RIMS2: variants seen among roughly 807,000 people sequenced by gnomAD.
RIMS2 encodes regulating synaptic membrane exocytosis 2.
A neutral mutation model predicts 174.4 loss-of-function variants in RIMS2; 59 were observed. The ratio of observed to expected loss-of-function variants is 0.34; its 90% CI spans 0.27 to 0.42. RIMS2 has a LOEUF of 0.42. RIMS2 is among the 10% of genes least tolerant of loss of function. RIMS2 has a pLI of 1.00. For synonymous variants in RIMS2, 606 were observed against 572.5 expected (o/e 1.06, Z -0.84); for missense variants, 1,620 against 1,666.3 (o/e 0.97, Z 0.48).
intron 19 of RIMS2, among the ~76,000 whole-genome samples, chr8:104,231,336 CT>C (rs1439575238): frequency 6.6e-6 from 1 of 151,428 alleles, no homozygotes; most frequent in Non-Finnish European, 1.5e-5. Flanking sequence ...CATTCAAGTT[CT>C]TTAACAATAT....
chr8:104,039,936 G>T lies in RIMS2; in HGVS notation c.3334+25321G>T, dbSNP rs192876398. Reference sequence around the variant, plus strand: ...GAGATTTAATGTCTTATTTTCAACAGGTGAAAAAATGTGTTCATATAATAA... The same window carrying T: ...GAGATTTAATGTCTTATTTTCAACATGTGAAAAAATGTGTTCATATAATAA... On this transcript the variant is annotated intron_variant, in intron 19 of 23. Transcript: ENST00000504942. Among the ~76,000 whole-genome samples the T allele has an allele frequency of 4.6e-5, 7 of 151,378 alleles. No individual in the cohort carries two copies. The East Asian group carries it at 1.4e-3, about 29-fold the overall frequency.
chr8:103,554,310 C>A (rs575792459), intron 1 of RIMS2, among the ~76,000 whole-genome samples: 13 of 152,290 alleles, frequency 8.5e-5, no homozygotes, highest in African/African-American at 3.1e-4. Context: ...GGTCTACTAT[C>A]CAGCATCTGT....
chr8:103,713,443 A>G (rs1036867071), intron 2 of RIMS2, among the ~76,000 whole-genome samples: 1 of 152,196 alleles, frequency 6.6e-6, no homozygotes, highest in East Asian at 1.9e-4. Flanking sequence ...TACACCTCCT[A>G]TAATTTTCAA....
At chr8:103,769,155 A>G (rs937432169) in intron 3 of RIMS2, 1 of 162,180 alleles carries the variant, frequency 6.2e-6, no homozygotes, top group African/African-American at 2.4e-5. Flanking sequence ...AGGCAGGGTT[A>G]GTAAGAATAA....
At chr8:103,887,882 A>T (rs1049286020) in intron 4 of RIMS2, among the ~76,000 whole-genome samples, 2 of 151,648 alleles carry the variant, frequency 1.3e-5, no homozygotes, top group Non-Finnish European at 1.5e-5. Flanking sequence ...GTAGCGGTTC[A>T]TTTCATGTTC....
At chr8:103,872,785 T>G (rs1349788387) in intron 3 of RIMS2, among the ~76,000 whole-genome samples, 1 of 152,194 alleles carries the variant, frequency 6.6e-6, no homozygotes, top group Non-Finnish European at 1.5e-5. Context: ...AACTTCTATC[T>G]AAATCTTATT....
intron 9 of RIMS2, among the ~76,000 whole-genome samples, chr8:103,919,755 G>A (rs930803975): frequency 6.6e-6 from 1 of 152,008 alleles, no homozygotes; most frequent in Non-Finnish European, 1.5e-5. Flanking sequence ...GAATGCCATA[G>A]CTCTATACTT....
At chr8:104,001,952 A>G (rs1020950858) in intron 17 of RIMS2, among the ~76,000 whole-genome samples, 5 of 152,054 alleles carry the variant, frequency 3.3e-5, no homozygotes, top group African/African-American at 1.2e-4. Context: ...TAGTCTTCCT[A>G]AACTTCACAG....
intron 19 of RIMS2, among the ~76,000 whole-genome samples, chr8:104,188,254 G>A (rs2098979503): frequency 6.8e-6 from 1 of 146,046 alleles, no homozygotes; most frequent in Non-Finnish European, 1.5e-5. Context: ...TAGATAGATA[G>A]ATAGATAGAT....
chr8:103,824,118 C>T (rs1057039628), intron 3 of RIMS2, among the ~76,000 whole-genome samples: 4 of 151,932 alleles, frequency 2.6e-5, no homozygotes, highest in African/African-American at 9.7e-5. Flanking sequence ...CAATATACTA[C>T]AATTATTAGT....
chr8:104,063,467 GA>G (rs1316915275), intron 19 of RIMS2, among the ~76,000 whole-genome samples: 2 of 152,106 alleles, frequency 1.3e-5, no homozygotes, highest in African/African-American at 2.4e-5. Context: ...TTAAAGGAAA[GA>G]TTTTTTTAAC....
chr8:103,622,287 T>C lies in RIMS2; in HGVS notation c.177-74799T>C, dbSNP rs1209214071. ...TGACACATACATTATATTCTGAAAT[T>C]TTTCAGCATCATCACTATAAGTCAT... On this transcript the variant is annotated intron_variant, in intron 1 of 23. Transcript: ENST00000504942. Among the ~76,000 whole-genome samples, 4 of 152,172 alleles carry C rather than the reference T, an allele frequency of 2.6e-5. No individual in the cohort carries two copies. In the East Asian group the frequency reaches 7.7e-4, roughly 29 times the overall value.
At chr8:103,671,683 A>G (rs1593493) in intron 1 of RIMS2, among the ~76,000 whole-genome samples, 26,902 of 152,180 alleles carry the variant, frequency 0.18, 2,580 homozygotes, top group African/African-American at 0.24. Context: ...TATGATCATG[A>G]TCAAAGACAC....
chr8:103,809,043 A>C (rs2154461129), intron 3 of RIMS2, among the ~76,000 whole-genome samples: 1 of 152,282 alleles, frequency 6.6e-6, no homozygotes, highest in East Asian at 1.9e-4. Flanking sequence ...TCAGAATCTC[A>C]ACAGTTTTCC....
intron 19 of RIMS2, among the ~76,000 whole-genome samples, chr8:104,040,747 T>C (rs1053062884): frequency 2.0e-5 from 3 of 151,736 alleles, no homozygotes; most frequent in Non-Finnish European, 4.4e-5. Flanking sequence ...TCATAAAATT[T>C]TAATGATATT....
At chr8:103,623,983 A>C (rs911987696) in intron 1 of RIMS2, among the ~76,000 whole-genome samples, 2 of 152,184 alleles carry the variant, frequency 1.3e-5, no homozygotes, top group Non-Finnish European at 2.9e-5. Flanking sequence ...AATTAAATCC[A>C]GAATAGACTA....
chr8:103,635,411 C>T (rs1396055531), intron 1 of RIMS2, among the ~76,000 whole-genome samples: 2 of 152,246 alleles, frequency 1.3e-5, no homozygotes, highest in Non-Finnish European at 2.9e-5. Flanking sequence ...CTGGATGACC[C>T]ACCCAGTGAG....
chr8:103,767,341 C>T (rs1279520093), intron 3 of RIMS2, among the ~76,000 whole-genome samples: 1 of 151,980 alleles, frequency 6.6e-6, no homozygotes, highest in Non-Finnish European at 1.5e-5. Context: ...GTGTGCACCA[C>T]CATGCTTGGC....
chr8:103,923,673 A>T (rs2078161315), intron 10 of RIMS2, among the ~76,000 whole-genome samples: 1 of 151,806 alleles, frequency 6.6e-6, no homozygotes, highest in East Asian at 1.9e-4. Flanking sequence ...AATATGTTCC[A>T]CTATGATATT....
Sources: gnomAD v4.1 joint callset for allele counts (sites outside exome capture counted in the v4.1 genomes callset) on GRCh38, gnomAD v4.1.1 for gene constraint, MANE v1.5 for transcripts, NCBI Gene and HGNC (gene_info 2026-07-23, HGNC 2026-07-21) for gene names.